KCNIP4: variants seen among roughly 807,000 people sequenced by gnomAD.
KCNIP4 encodes the protein potassium voltage-gated channel interacting protein 4.
Under a neutral mutation model 34.0 loss-of-function variants are expected in KCNIP4, and 12 were observed. The ratio of observed to expected loss-of-function variants is 0.35; its 90% CI spans 0.23 to 0.57. The LOEUF is 0.57. Among genes scored for constraint, KCNIP4 ranks in the 20% least tolerant of loss-of-function variants. The pLI, the probability that KCNIP4 is intolerant of heterozygous loss-of-function variation, is 0.83. For missense variants in KCNIP4, 238 were observed against 311.7 expected, an observed-to-expected ratio of 0.76 and a Z score of 1.78; for synonymous variants, 124 against 102.2, an observed-to-expected ratio of 1.21 and a Z score of -1.29.
intron 1 of KCNIP4, among the ~76,000 whole-genome samples, chr4:21,237,814 T>G (rs1454611055): frequency 2.3e-4 from 35 of 152,154 alleles, no homozygotes; most frequent in African/African-American, 7.5e-4. Flanking sequence ...GGAGGAGCTG[T>G]TATCATTCCT....
At chr4:21,456,600 T>C (rs1728974520) in intron 1 of KCNIP4, among the ~76,000 whole-genome samples, 1 of 148,118 alleles carries the variant, frequency 6.8e-6, no homozygotes, top group Non-Finnish European at 1.5e-5. Context: ...ACAATAAATA[T>C]GTAAACATTT....
At chr4:20,943,341 A>G (rs574723539) in intron 1 of KCNIP4, among the ~76,000 whole-genome samples, 288 of 152,210 alleles carry the variant, frequency 1.9e-3, no homozygotes, top group African/African-American at 6.7e-3. Flanking sequence ...AGCCTATAAG[A>G]CTGTATTCTC....
At chr4:21,015,796 TA>T (rs1303661331) in intron 1 of KCNIP4, among the ~76,000 whole-genome samples, 1 of 136,374 alleles carries the variant, frequency 7.3e-6, no homozygotes, top group African/African-American at 2.7e-5. Context: ...TAAATATATA[TA>T]AATATATACT....
intron 1 of KCNIP4, among the ~76,000 whole-genome samples, chr4:21,354,392 T>C (rs1372953023): frequency 2.0e-5 from 3 of 152,156 alleles, no homozygotes; most frequent in Non-Finnish European, 4.4e-5. Context: ...GTGTGCTGTA[T>C]TCAGGAGACC....
At chr4:21,875,349 G>A (rs1481273171) in intron 1 of KCNIP4, among the ~76,000 whole-genome samples, 1 of 152,106 alleles carries the variant, frequency 6.6e-6, no homozygotes, top group African/African-American at 2.4e-5. Context: ...ATAGAGACAG[G>A]ATTTGATTAA....
chr4:21,943,501 C>T (rs1479498958), intron 1 of KCNIP4, among the ~76,000 whole-genome samples: 2 of 152,002 alleles, frequency 1.3e-5, no homozygotes, highest in Non-Finnish European at 2.9e-5. Context: ...AATGGCACCA[C>T]TGCACTCCAG....
chr4:21,742,757 G>A (rs1269998467), intron 1 of KCNIP4, among the ~76,000 whole-genome samples: 2 of 152,136 alleles, frequency 1.3e-5, no homozygotes, highest in African/African-American at 4.8e-5. Context: ...TAAGTTATAT[G>A]TACATGGGAA....
chr4:21,943,851 G>A lies in KCNIP4; in HGVS notation c.61+4720C>T, dbSNP rs989291028. Among the ~76,000 whole-genome samples, 7 of 152,028 alleles carry A rather than the reference G, an allele frequency of 4.6e-5. No homozygotes were observed. The East Asian group carries it at 1.4e-3, about 29-fold the overall frequency. ...TGCTGAGAACATAATCTTGGTGGTA[G>A]AAATGGAAATTGAAGGAAGAGACAG... is the stretch of plus-strand genomic sequence containing the variant. On this transcript the variant is annotated intron_variant, in intron 1 of 8. Transcript: ENST00000382152.
intron 2 of KCNIP4, among the ~76,000 whole-genome samples, chr4:20,877,163 G>T (rs6447992): frequency 0.17 from 26,550 of 152,104 alleles, 2,495 homozygotes; most frequent in Middle Eastern, 0.2. Flanking sequence ...TATCATCTGG[G>T]CTCGCTCTTT....
chr4:21,921,261 C>T (rs1728925143), intron 1 of KCNIP4, among the ~76,000 whole-genome samples: 1 of 152,116 alleles, frequency 6.6e-6, no homozygotes, highest in Non-Finnish European at 1.5e-5. Flanking sequence ...ATGACATTTA[C>T]TCTTGGTGCT....
chr4:21,588,175 A>G (rs891464579), intron 1 of KCNIP4, among the ~76,000 whole-genome samples: 1 of 152,044 alleles, frequency 6.6e-6, no homozygotes, highest in Non-Finnish European at 1.5e-5. Flanking sequence ...AACTACCAAC[A>G]TTATTTTTCT....
At chr4:21,691,867 TTCTTGTA>T (rs1249218982) in intron 1 of KCNIP4, among the ~76,000 whole-genome samples, 4 of 151,948 alleles carry the variant, frequency 2.6e-5, no homozygotes, top group African/African-American at 4.8e-5. Flanking sequence ...CGCAGCTAAC[TTCTTGTA>T]TCTTTAGTAG....
chr4:21,631,833 A>G (rs6832481), intron 1 of KCNIP4, among the ~76,000 whole-genome samples: 74,783 of 152,022 alleles, frequency 0.49, 20,052 homozygotes, highest in East Asian at 0.8. Context: ...CTCTGACTCC[A>G]TTTTCCTTGA....
chr4:21,035,077 T>A (rs531314015), intron 1 of KCNIP4, among the ~76,000 whole-genome samples: 8 of 152,326 alleles, frequency 5.3e-5, no homozygotes, highest in Non-Finnish European at 1.0e-4. Context: ...TACATTTGCT[T>A]TTAATGGACA....
At chr4:21,503,647 G>GTGGGCTA (rs1733547061) in intron 1 of KCNIP4, among the ~76,000 whole-genome samples, 4 of 152,094 alleles carry the variant, frequency 2.6e-5, no homozygotes, top group Non-Finnish European at 5.9e-5. Context: ...TGGAAGAACA[G>GTGGGCTA]AAAGCCCACC....
chr4:21,619,570 G>A (rs1255093362), intron 1 of KCNIP4, among the ~76,000 whole-genome samples: 2 of 152,154 alleles, frequency 1.3e-5, no homozygotes, highest in African/African-American at 4.8e-5. Context: ...TTGGAGACTG[G>A]AGGAAAAGTA....
chr4:21,910,233 C>G (rs535274276), intron 1 of KCNIP4, among the ~76,000 whole-genome samples: 1 of 152,224 alleles, frequency 6.6e-6, no homozygotes, highest in Non-Finnish European at 1.5e-5. Context: ...GCCAGCAGGA[C>G]AGCCAGCTGG....
At chr4:21,037,570 GA>G in intron 1 of KCNIP4, among the ~76,000 whole-genome samples, 1 of 152,296 alleles carries the variant, frequency 6.6e-6, no homozygotes, top group African/African-American at 2.4e-5. Flanking sequence ...TATGCTCTAT[GA>G]TGTTCACACA....
intron 2 of KCNIP4, among the ~76,000 whole-genome samples, chr4:20,860,114 A>T (rs1722028563): frequency 6.6e-6 from 1 of 151,902 alleles, no homozygotes; most frequent in Non-Finnish European, 1.5e-5. Context: ...TATCTACAGC[A>T]GGTCCCATTT....
Sources: allele counts gnomAD v4.1 joint callset (sites outside exome capture counted in the v4.1 genomes callset), GRCh38; gene constraint gnomAD v4.1.1; transcripts MANE v1.5; gene names NCBI Gene and HGNC (gene_info 2026-07-23, HGNC 2026-07-21).